The following RHBDD1 variants were observed in gnomAD, a reference collection of about 807,000 sequenced individuals.
RHBDD1 encodes rhomboid-related protein 4.
A neutral mutation model predicts 36.3 loss-of-function variants in RHBDD1; 38 were observed. The observed-to-expected ratio is 1.05, with a 90% CI of 0.81 to 1.37. The LOEUF (loss-of-function observed/expected upper bound fraction) is 1.37, where lower values mean the gene tolerates loss of function less well. Ranked by LOEUF, RHBDD1 falls within the 40% of genes most tolerant of loss-of-function variation. RHBDD1 has a pLI of 0.00. For missense variants in RHBDD1, 393 were observed against 377.6 expected, an observed-to-expected ratio of 1.04 and a Z score of -0.34; for synonymous variants, 151 against 136.5, an observed-to-expected ratio of 1.11 and a Z score of -0.74.
intron 5 of RHBDD1, among the ~76,000 whole-genome samples, chr2:226,891,714 T>C (rs886849457): frequency 3.9e-5 from 6 of 152,242 alleles, no homozygotes; most frequent in Admixed American, 1.3e-4. Context: ...ATAGAATTCT[T>C]GGTTGGAAAC....
At chr2:226,878,578 G>A (rs1245797551) in intron 5 of RHBDD1, among the ~76,000 whole-genome samples, 1 of 152,236 alleles carries the variant, frequency 6.6e-6, no homozygotes, top group East Asian at 1.9e-4. Context: ...TCACCAGGCT[G>A]TGAGGAAGAG....
the RHBDD1 span, among the ~76,000 whole-genome samples, chr2:226,818,152 A>ATTTTTTTTTTTTTTTTTTTTTT: frequency 1.2e-5 from 1 of 86,244 alleles, no homozygotes; most frequent in Non-Finnish European, 2.2e-5. Flanking sequence ...TCCAAACAGT[A>ATTTTTTTTTTTTTTTTTTTTTT]TTTTTTTTTT....
At chr2:226,870,825 G>A (rs1944742049) in intron 5 of RHBDD1, among the ~76,000 whole-genome samples, 1 of 152,158 alleles carries the variant, frequency 6.6e-6, no homozygotes, top group South Asian at 2.1e-4. Flanking sequence ...AGTGGAAGTG[G>A]ATCATTATAA....
At chr2:226,801,476 A>G in the RHBDD1 span, among the ~76,000 whole-genome samples, 1 of 152,188 alleles carries the variant, frequency 6.6e-6, no homozygotes, top group South Asian at 2.1e-4. Flanking sequence ...GCATCTGCAG[A>G]GGGGCTCCTC....
intron 7 of RHBDD1, among the ~76,000 whole-genome samples, chr2:226,911,223 CTG>C (rs1229207220): frequency 6.6e-6 from 1 of 152,122 alleles, no homozygotes; most frequent in Non-Finnish European, 1.5e-5. Context: ...TTTGAATTAA[CTG>C]AGCATTTTTG....
At chr2:226,840,159 G>A (rs1226733054) in intron 3 of RHBDD1, among the ~76,000 whole-genome samples, 2 of 152,190 alleles carry the variant, frequency 1.3e-5, no homozygotes, top group African/African-American at 4.8e-5. Flanking sequence ...GGAGCTTGGG[G>A]GAGGGGGAGT....
At chr2:226,972,925 G>A (rs1338789571) in intron 8 of RHBDD1, among the ~76,000 whole-genome samples, 5 of 119,406 alleles carry the variant, frequency 4.2e-5, no homozygotes, top group Non-Finnish European at 8.5e-5. Flanking sequence ...AAGGAAGCCT[G>A]TAGCAAAAAA....
intron 1 of RHBDD1, among the ~76,000 whole-genome samples, chr2:226,836,968 C>T (rs1420728868): frequency 6.6e-6 from 1 of 152,218 alleles, no homozygotes. Context: ...GGATCAGCAT[C>T]ACTTGGGAAC....
At chr2:226,870,829 A>G (rs2125295166) in intron 5 of RHBDD1, among the ~76,000 whole-genome samples, 2 of 152,324 alleles carry the variant, frequency 1.3e-5, no homozygotes, top group African/African-American at 4.8e-5. Flanking sequence ...GAAGTGGATC[A>G]TTATAAAGGT....
At chr2:226,814,379 G>T in the RHBDD1 span, among the ~76,000 whole-genome samples, 2 of 152,114 alleles carry the variant, frequency 1.3e-5, no homozygotes, top group Admixed American at 1.3e-4. Context: ...TTAAAGAATA[G>T]AATGTGATTA....
chr2:226,893,297 T>C (rs577874907), intron 5 of RHBDD1, among the ~76,000 whole-genome samples: 11 of 152,202 alleles, frequency 7.2e-5, no homozygotes, highest in Non-Finnish European at 1.3e-4. Flanking sequence ...TTCTCTTTCA[T>C]TTTATATTTA....
rs910218504 is a variant in RHBDD1, at chr2:226,839,550, G to A, written c.-168G>A. On this transcript the variant is annotated 5_prime_UTR_variant, in exon 3 of 9. Coordinates refer to ENST00000392062, the MANE Select transcript of RHBDD1 (RefSeq NM_001167608.3). ...AGGGAACCTCGGATTCCGGGGAGCT[G>A]GACGTGAAACTCTGTGGTGGAATAG... is the stretch of plus-strand genomic sequence containing the variant. The A allele has an allele frequency of 1.3e-5, 2 of 151,958 alleles. No individual in the cohort carries two copies. Among genetic ancestry groups the A allele is most frequent in the Non-Finnish European group, 2.9e-5 (2 of 68,038 alleles). 9.4% of individuals were successfully genotyped at this position (151,958 alleles called of 1,614,324 possible).
chr2:226,964,718 G>A (rs142296290), intron 8 of RHBDD1, among the ~76,000 whole-genome samples: 2 of 152,310 alleles, frequency 1.3e-5, no homozygotes, highest in East Asian at 1.9e-4. Flanking sequence ...CCTTTTGGAC[G>A]TAGTGAGTAA....
intron 5 of RHBDD1, among the ~76,000 whole-genome samples, chr2:226,880,901 G>T (rs1945667379): frequency 6.6e-6 from 1 of 152,144 alleles, no homozygotes; most frequent in African/African-American, 2.4e-5. Flanking sequence ...GTGTAGAAAA[G>T]TTGCAGATAT....
At chr2:226,924,799 A>G (rs918431160) in intron 8 of RHBDD1, among the ~76,000 whole-genome samples, 1 of 152,100 alleles carries the variant, frequency 6.6e-6, no homozygotes, top group Admixed American at 6.6e-5. Flanking sequence ...CTGAGTTCCA[A>G]TGGGATGTCC....
the RHBDD1 span, among the ~76,000 whole-genome samples, chr2:226,816,387 A>G: frequency 1.3e-5 from 2 of 151,502 alleles, no homozygotes; most frequent in South Asian, 2.1e-4. Context: ...AAAAAAAAAA[A>G]AAAAAAAAAG....
chr2:226,887,164 A>G (rs561749019), intron 5 of RHBDD1, among the ~76,000 whole-genome samples: 7 of 152,320 alleles, frequency 4.6e-5, no homozygotes, highest in African/African-American at 1.4e-4. Context: ...ACTGTTTTAA[A>G]AGAGTCGCTG....
chr2:226,867,412 C>T, intron 5 of RHBDD1, 94 bp downstream of exon 5: 8 of 1,342,450 alleles, frequency 6.0e-6, no homozygotes, highest in African/African-American at 3.0e-5. Flanking sequence ...TTGTTTTTCA[C>T]AGTGAGGTTT....
At chr2:226,887,864 C>A (rs1183041721) in intron 5 of RHBDD1, among the ~76,000 whole-genome samples, 2 of 152,150 alleles carry the variant, frequency 1.3e-5, no homozygotes, top group Non-Finnish European at 1.5e-5. Flanking sequence ...TTACTAATAA[C>A]CAATGTAGTG....
Sources: allele counts gnomAD v4.1 joint callset (sites outside exome capture counted in the v4.1 genomes callset), GRCh38; gene constraint gnomAD v4.1.1; transcripts MANE v1.5; gene names NCBI Gene and HGNC (gene_info 2026-07-23, HGNC 2026-07-21).